RUNX1: variants seen among roughly 807,000 people sequenced by gnomAD.
RUNX1 encodes the protein RUNX family transcription factor 1.
RUNX1 carries 19 observed loss-of-function variants against 42.8 expected under a neutral mutation model. That is an observed-to-expected ratio of 0.44 (90% CI 0.31 to 0.65). The LOEUF is 0.65. Among genes scored for constraint, RUNX1 ranks in the 30% least tolerant of loss-of-function variants. The pLI is 0.07. For synonymous variants in RUNX1, 271 were observed against 289.4 expected (o/e 0.94, Z 0.64); for missense variants, 528 against 672.0 (o/e 0.79, Z 2.37).
intron 7 of RUNX1, among the ~76,000 whole-genome samples, chr21:34,826,605 T>A (rs1214023265): frequency 6.9e-6 from 1 of 145,238 alleles, no homozygotes; most frequent in Non-Finnish European, 1.5e-5. Context: ...CCCAGCTAAT[T>A]TTTTTTTTTT....
intron 2 of RUNX1, among the ~76,000 whole-genome samples, chr21:34,897,429 T>A (rs1445000369): frequency 6.6e-6 from 1 of 152,178 alleles, no homozygotes; most frequent in East Asian, 1.9e-4. Flanking sequence ...TTCTGCAGGA[T>A]TAAGAGCTAC....
intron 2 of RUNX1, among the ~76,000 whole-genome samples, chr21:34,950,756 T>G (rs2058601132): frequency 6.6e-6 from 1 of 152,074 alleles, no homozygotes; most frequent in African/African-American, 2.4e-5. Context: ...CACACATAGT[T>G]AGGTGATGAC....
At chr21:34,833,155 G>C (rs139200660) in intron 7 of RUNX1, 4,130 of 152,406 alleles carry the variant, frequency 0.027, 89 homozygotes, top group South Asian at 0.052. Flanking sequence ...CCAGGCTGGA[G>C]TGCAGTGGTG....
At position 34,843,747 on chromosome 21, in the gene RUNX1, A is replaced by G. The variant is rs2057277383; in HGVS notation, c.614-9146T>C. Among the ~76,000 whole-genome samples, 1 of 150,644 alleles carries G rather than the reference A, an allele frequency of 6.6e-6. No homozygotes were observed. Among genetic ancestry groups the G allele is most frequent in the Non-Finnish European group, 1.5e-5 (1 of 67,928 alleles). Reference sequence around the variant, plus strand: ...AAACAAAACTCTGCTCCCTGAGTCCAGGGCTCATTGCCACGAGCAGTGGAG... The same window carrying G: ...AAACAAAACTCTGCTCCCTGAGTCCGGGGCTCATTGCCACGAGCAGTGGAG... On this transcript the variant is annotated intron_variant, in intron 6 of 8. Transcript: ENST00000675419. This position sits in a 1 kb window ranked among gnomAD's most constrained non-coding sequence, Gnocchi z 4.8.
intron 2 of RUNX1, among the ~76,000 whole-genome samples, chr21:34,899,205 C>T (rs1285987923): frequency 3.3e-5 from 5 of 152,146 alleles, no homozygotes; most frequent in African/African-American, 7.2e-5. Context: ...TGAGCTACCA[C>T]GCCTGGTGCG....
At chr21:35,042,429 G>A (rs1004446324) in intron 2 of RUNX1, among the ~76,000 whole-genome samples, 3 of 152,202 alleles carry the variant, frequency 2.0e-5, no homozygotes, top group African/African-American at 7.2e-5. Context: ...ATGTGGCTCT[G>A]GGTTCACGAG....
intron 2 of RUNX1, among the ~76,000 whole-genome samples, chr21:35,042,806 C>T (rs2059368688): frequency 6.6e-6 from 1 of 152,240 alleles, no homozygotes; most frequent in South Asian, 2.1e-4. Context: ...CAGCTTTTCT[C>T]TACGTGCAGC....
intron 7 of RUNX1, chr21:34,821,435 G>A: frequency 7.4e-7 from 1 of 1,343,122 alleles, no homozygotes; most frequent in Non-Finnish European, 9.6e-7. Context: ...ATTTCTGCAG[G>A]CTAACTCATT....
chr21:34,989,456 A>G (rs2146822887), intron 2 of RUNX1, among the ~76,000 whole-genome samples: 1 of 152,160 alleles, frequency 6.6e-6, no homozygotes, highest in South Asian at 2.1e-4. Context: ...CAAAGGCATG[A>G]GGCTGTGCTA....
At position 34,821,819 on chromosome 21, in the gene RUNX1, G is replaced by A. The variant is rs936882892; in HGVS notation, c.805+12591C>T. 8.9e-6 allele frequency: 7 copies of A among 788,264 alleles called. No individual in the cohort carries two copies. In the African/African-American group the frequency reaches 1.2e-4, roughly 14 times the overall value. 48.8% of individuals were successfully genotyped at this position (788,264 alleles called of 1,614,324 possible). A position where few individuals can be genotyped will look rare whatever the true frequency, so the allele number is the denominator to read the frequency against. On this transcript the variant is annotated intron_variant, in intron 7 of 8. Coordinates refer to ENST00000675419, the MANE Select transcript of RUNX1 (RefSeq NM_001754.5). ...AAGAATCAAATGAGGAAATCAGGAAGAGATTCTGGAATAGGAATAACAAGA... is the reference window on the plus strand; with the variant it reads ...AAGAATCAAATGAGGAAATCAGGAAAAGATTCTGGAATAGGAATAACAAGA...
intron 2 of RUNX1, among the ~76,000 whole-genome samples, chr21:34,954,457 C>T (rs2058630536): frequency 6.6e-6 from 1 of 152,110 alleles, no homozygotes; most frequent in Non-Finnish European, 1.5e-5. Flanking sequence ...GGGCTCCAAC[C>T]CCAGGGGCTA....
intron 6 of RUNX1, among the ~76,000 whole-genome samples, chr21:34,839,512 C>CAT (rs2057200081): frequency 6.6e-6 from 1 of 152,196 alleles, no homozygotes; most frequent in Admixed American, 6.5e-5. Flanking sequence ...TTTTAGATCT[C>CAT]AGAGACACGA....
intron 2 of RUNX1, among the ~76,000 whole-genome samples, chr21:34,910,608 GC>G (rs2058264655): frequency 6.6e-6 from 1 of 152,150 alleles, no homozygotes; most frequent in Non-Finnish European, 1.5e-5. Flanking sequence ...GCCAGATGAA[GC>G]CCTCTTCAGA....
chr21:34,856,226 T>C (rs2146215834), intron 6 of RUNX1: 3 of 425,030 alleles, frequency 7.1e-6, no homozygotes, highest in Non-Finnish European at 1.4e-5. Context: ...GTCAGCGGAA[T>C]GGCAGGTTGA....
intron 5 of RUNX1, among the ~76,000 whole-genome samples, chr21:34,865,057 G>T (rs1050867900): frequency 2.0e-5 from 3 of 151,988 alleles, no homozygotes; most frequent in African/African-American, 7.3e-5. Flanking sequence ...TGTAAAAGGG[G>T]GTTAATAACA....
At position 34,887,166 on chromosome 21, in the gene RUNX1, CAG is replaced by C. The variant is rs2146415253; in HGVS notation, c.98-72_98-71del. 5 of 1,521,122 alleles carry C rather than the reference CAG, an allele frequency of 3.3e-6. No homozygotes were observed. The South Asian group carries it at 4.5e-5, about 14-fold the overall frequency. The allele number at this position is 1,521,122 out of a possible 1,614,324, so 94.2% of individuals were successfully genotyped here. A position where few individuals can be genotyped will look rare whatever the true frequency, so the allele number is the denominator to read the frequency against. On this transcript the variant is annotated intron_variant, in intron 3 of 8. Coordinates refer to ENST00000675419, the MANE Select transcript of RUNX1 (RefSeq NM_001754.5). Reference sequence around the variant, plus strand: ...GCAAACAGCTCCTACCAGACGGCGACAGGGGCGCGGATCTTCAGCAAGCAGCT... The same window carrying C: ...GCAAACAGCTCCTACCAGACGGCGACGGGCGCGGATCTTCAGCAAGCAGCT...
At chr21:34,863,775 C>T (rs2057614692) in intron 5 of RUNX1, among the ~76,000 whole-genome samples, 2 of 151,928 alleles carry the variant, frequency 1.3e-5, no homozygotes, top group Non-Finnish European at 2.9e-5. Flanking sequence ...ATGCTGGTCT[C>T]GAACTCCTGA....
chr21:34,947,718 T>G (rs2058574552), intron 2 of RUNX1, among the ~76,000 whole-genome samples: 1 of 152,330 alleles, frequency 6.6e-6, no homozygotes, highest in East Asian at 1.9e-4. Flanking sequence ...AGCCTTTATT[T>G]TTCTCCCTGT....
At chr21:34,959,897 C>T (rs2058670987) in intron 2 of RUNX1, among the ~76,000 whole-genome samples, 1 of 152,124 alleles carries the variant, frequency 6.6e-6, no homozygotes, top group Non-Finnish European at 1.5e-5. Flanking sequence ...GCAGGGTGGG[C>T]AACCTAGTAA....
Sources: allele counts gnomAD v4.1 joint callset (sites outside exome capture counted in the v4.1 genomes callset), GRCh38; gene constraint gnomAD v4.1.1; non-coding constraint Gnocchi (gnomAD v3.1); transcripts MANE v1.5; gene names NCBI Gene and HGNC (gene_info 2026-07-23, HGNC 2026-07-21).